Variants in RPTOR observed in about 807,000 individuals in gnomAD.
The protein encoded by RPTOR is regulatory associated protein of MTOR complex 1.
RPTOR carries 21 observed loss-of-function variants against 169.9 expected under a neutral mutation model. The observed-to-expected ratio is 0.12, with a 90% CI of 0.09 to 0.18. RPTOR has a LOEUF of 0.18. Among genes scored for constraint, RPTOR ranks in the 10% least tolerant of loss-of-function variants. The pLI is 1.00. For synonymous variants in RPTOR, 732 were observed against 753.2 expected (o/e 0.97, Z 0.46); for missense variants, 1,133 against 1,855.9 (o/e 0.61, Z 7.16).
intron 29 of RPTOR, among the ~76,000 whole-genome samples, chr17:80,958,197 A>ACC (rs57809906): frequency 5.1e-4 from 16 of 31,374 alleles, no homozygotes; most frequent in African/African-American, 9.9e-4. Context: ...CTCCCACCTC[A>ACC]CCCCCCCCCC....
rs868580298 is a variant in RPTOR at position 80,578,930 on chromosome 17, C to G, written c.162+33139C>G. On this transcript the variant is annotated intron_variant, in intron 1 of 33. Transcript: ENST00000306801. The stretch of plus-strand genomic sequence containing the variant: ...CCTCCCTCCTCGCCTGCCAGCCTCC[C>G]TGGAGGGTGCTGGACAGGTTTGAAC... Among the ~76,000 whole-genome samples the G allele has an allele frequency of 2.6e-4, 39 of 152,180 alleles. 1 individual carries two copies. The highest frequency in any genetic ancestry group is 2.3e-3 in the Admixed American group (35 of 15,282).
At chr17:80,904,341 C>T (rs936895807) in intron 20 of RPTOR, among the ~76,000 whole-genome samples, 5 of 152,158 alleles carry the variant, frequency 3.3e-5, no homozygotes, top group African/African-American at 4.8e-5. Context: ...GGGCGTAACC[C>T]GCTCTGCCAA....
intron 19 of RPTOR, 125 bp from the exon 20 acceptor site, chr17:80,893,582 G>A (rs1687705273): frequency 8.1e-7 from 1 of 1,239,806 alleles, no homozygotes; most frequent in Non-Finnish European, 1.1e-6. Context: ...GTACCAGGGT[G>A]TGTTTGTGCC....
chr17:80,951,329 C>T (rs544828839), intron 28 of RPTOR, among the ~76,000 whole-genome samples: 41 of 152,364 alleles, frequency 2.7e-4, no homozygotes, highest in Admixed American at 7.2e-4. Flanking sequence ...CAGTGCCCAG[C>T]TTACATATCA....
rs1568323100 is a variant in RPTOR, at chr17:80,591,071, A to AC, written c.163-34620_163-34619insC. Among the ~76,000 whole-genome samples, 825 of 143,410 alleles carry AC rather than the reference A, an allele frequency of 5.8e-3. 49 individuals carry two copies. The highest frequency in any genetic ancestry group is 0.023 in the African/African-American group (772 of 34,092). 94.1% of individuals were successfully genotyped at this position (143,410 alleles called of 152,430 possible). A position where few individuals can be genotyped will look rare whatever the true frequency, so the allele number is the denominator to read the frequency against. On this transcript the variant is annotated intron_variant, in intron 1 of 33. Transcript: ENST00000306801. ...AAAGTTTAGTGGCATAGAGTTGTTC[A>AC]AAGTCACCTCTTGTCAATGTGGATA...
intron 6 of RPTOR, among the ~76,000 whole-genome samples, chr17:80,789,515 G>A (rs2067026316): frequency 1.3e-5 from 2 of 152,174 alleles, no homozygotes; most frequent in Admixed American, 6.5e-5. Flanking sequence ...TCCTCCACGG[G>A]GATCCTGGGA....
intron 4 of RPTOR, among the ~76,000 whole-genome samples, chr17:80,710,379 C>T (rs934350752): frequency 2.6e-5 from 4 of 151,868 alleles, no homozygotes; most frequent in African/African-American, 7.3e-5. Flanking sequence ...GGGTGGGGAG[C>T]GGGGAGGGAG....
At chr17:80,962,186 C>T (rs1336107532) in intron 31 of RPTOR, among the ~76,000 whole-genome samples, 1 of 152,210 alleles carries the variant, frequency 6.6e-6, no homozygotes, top group Non-Finnish European at 1.5e-5. Context: ...CATCTGTGCT[C>T]ATGGTCATTT....
At chr17:80,644,376 A>C (rs2065577694) in intron 3 of RPTOR, among the ~76,000 whole-genome samples, 1 of 131,202 alleles carries the variant, frequency 7.6e-6, no homozygotes. Context: ...AAAGTGGCTT[A>C]GAATATAACT....
intron 1 of RPTOR, among the ~76,000 whole-genome samples, chr17:80,594,253 C>G (rs2065128551): frequency 6.6e-6 from 1 of 152,058 alleles, no homozygotes; most frequent in Admixed American, 6.6e-5. Flanking sequence ...GCCACCATGC[C>G]CGGCTAATTT....
At position 80,746,201 on chromosome 17, in the gene RPTOR, C is replaced by G. The variant is rs138537551; in HGVS notation, c.655-7809C>G. On this transcript the variant is annotated intron_variant, in intron 5 of 33. Coordinates refer to ENST00000306801, the MANE Select transcript of RPTOR (RefSeq NM_020761.3). The surrounding 1 kb of genome is among the most constrained non-coding windows in gnomAD (Gnocchi z 4.5). ...AAAGTGCAGTGCAGGTGATCCCCAC[C>G]GCCCCCACAGCGGTGCTTTCTGCGG... 2.1e-5 allele frequency among the ~76,000 whole-genome samples: 3 copies of G among 141,620 alleles called. No individual in the cohort carries two copies. Among genetic ancestry groups the G allele is most frequent in the Non-Finnish European group, 4.9e-5 (3 of 61,604 alleles). The allele number at this position is 141,620 out of a possible 152,430, so 92.9% of individuals were successfully genotyped here. A position where few individuals can be genotyped will look rare whatever the true frequency, so the allele number is the denominator to read the frequency against.
chr17:80,764,518 TC>T (rs1252627330), intron 6 of RPTOR, among the ~76,000 whole-genome samples: 1 of 151,920 alleles, frequency 6.6e-6, no homozygotes, highest in African/African-American at 2.4e-5. Flanking sequence ...CGCATAGTAT[TC>T]CATGGTGTAT....
At chr17:80,835,685 C>T (rs2067555685) in intron 9 of RPTOR, among the ~76,000 whole-genome samples, 1 of 152,240 alleles carries the variant, frequency 6.6e-6, no homozygotes, top group African/African-American at 2.4e-5. Flanking sequence ...AAATTCGCTT[C>T]AGGCTGTGTG....
At chr17:80,602,961 T>C (rs1014173036) in intron 1 of RPTOR, 1 of 370,086 alleles carries the variant, frequency 2.7e-6, no homozygotes, top group African/African-American at 2.1e-5. Context: ...AAAAGGACAG[T>C]TGAGTTTTCT....
At chr17:80,955,401 A>G (rs908802240) in intron 28 of RPTOR, among the ~76,000 whole-genome samples, 5 of 152,202 alleles carry the variant, frequency 3.3e-5, no homozygotes, top group African/African-American at 1.2e-4. Flanking sequence ...TGATACCCCT[A>G]CCTCACACCA....
intron 7 of RPTOR, among the ~76,000 whole-genome samples, chr17:80,794,090 A>T (rs1394264786): frequency 6.6e-6 from 1 of 152,222 alleles, no homozygotes; most frequent in Non-Finnish European, 1.5e-5. Flanking sequence ...AAAATTGGTA[A>T]ATTGGACTTC....
chr17:80,901,218 A>G (rs1028087435), intron 20 of RPTOR, among the ~76,000 whole-genome samples: 2 of 152,018 alleles, frequency 1.3e-5, no homozygotes, highest in Admixed American at 6.6e-5. Flanking sequence ...TCGCAGTTTC[A>G]TTTGAGGGCC....
chr17:80,872,253 T>C (rs922368649), intron 13 of RPTOR, among the ~76,000 whole-genome samples: 6 of 152,226 alleles, frequency 3.9e-5, no homozygotes, highest in African/African-American at 1.4e-4. Flanking sequence ...CGGGTGATGC[T>C]TTCGTCGTTT....
At position 80,885,125 on chromosome 17, in the gene RPTOR, G is replaced by A. The variant is rs149781099; in HGVS notation, c.1960G>A (p.Asp654Asn). 214 of 1,563,514 alleles carry A rather than the reference G, an allele frequency of 1.4e-4. No individual in the cohort carries two copies. Among genetic ancestry groups the A allele is most frequent in the Non-Finnish European group, 1.8e-4 (202 of 1,154,280 alleles). Reference protein sequence around the residue: ...VAMMLAQLVSDGSPMVRKELV... With the variant: ...VAMMLAQLVSNGSPMVRKELV... ...CATGATGCTGGCCCAGCTGGTCAGC[G>A]ACGGGAGCCCCATGGTCCGGAAGGT... Residue 654 changes from aspartate (D) to asparagine (N), a missense_variant, in exon 17 of 34, where the codon GAC (aspartate) becomes AAC (asparagine). Asp to Asn is a conservative substitution (Grantham distance 23). Coordinates refer to ENST00000306801, the MANE Select transcript of RPTOR (RefSeq NM_020761.3).
Sources: gnomAD v4.1 joint callset for allele counts (sites outside exome capture counted in the v4.1 genomes callset) on GRCh38, gnomAD v4.1.1 for gene constraint, Gnocchi (gnomAD v3.1) non-coding constraint, MANE v1.5 for transcripts, NCBI Gene and HGNC (gene_info 2026-07-23, HGNC 2026-07-21) for gene names.